The following TMEM255B variants were observed in gnomAD, a reference collection of about 807,000 sequenced individuals.
The protein encoded by TMEM255B is transmembrane protein 255B.
In TMEM255B, 35 loss-of-function variants were observed where a neutral mutation model predicts 34.5. That is an observed-to-expected ratio of 1.01 (90% CI 0.77 to 1.34). The LOEUF (loss-of-function observed/expected upper bound fraction) is 1.34. Ranked by LOEUF, TMEM255B falls within the 40% of genes most tolerant of loss-of-function variation. The probability of loss-of-function intolerance (pLI) is 0.00; values close to 1 mark genes in which losing one functional copy is unlikely to be tolerated. For synonymous variants in TMEM255B, 206 were observed against 201.2 expected (o/e 1.02, Z -0.20); for missense variants, 432 against 433.2 (o/e 1.00, Z 0.02).
In TMEM255B at chr13:113,812,961, G is replaced by GGTCCTGGGTGGGTCACA. The variant is rs1566342155; in HGVS notation, c.*1059_*1060insTCCTGGGTGGGTCACAG. On this transcript the variant is annotated 3_prime_UTR_variant, in exon 9 of 9. Coordinates refer to ENST00000375353, the MANE Select transcript of TMEM255B (RefSeq NM_182614.4). ...GGGTCACGGGTCCCGGGTGGGTCAC[G>GGTCCTGGGTGGGTCACA]GGCCCCGGGTGGGTCACGGGTCCCG... The GGTCCTGGGTGGGTCACA allele has an allele frequency of 2.4e-4, 25 of 102,500 alleles. No homozygotes were observed. The highest frequency in any genetic ancestry group is 7.5e-4 in the East Asian group (3 of 4,008). 6.3% of individuals were successfully genotyped at this position (102,500 alleles called of 1,614,324 possible).
At chr13:113,786,566 G>A (rs61966738) in intron 3 of TMEM255B, among the ~76,000 whole-genome samples, 24 of 149,580 alleles carry the variant, frequency 1.6e-4, no homozygotes, top group South Asian at 4.3e-4. Context: ...CATCATCACC[G>A]TCATCACCAT....
chr13:113,770,645 C>T lies in TMEM255B; in HGVS notation c.252+1485C>T, dbSNP rs1047093249. ...TTGCAAAGAGACGGAGAGATAGGCC[C>T]GGCATTTCCTCTCCCACCCACCCCC... On this transcript the variant is annotated intron_variant, in intron 3 of 8. Transcript: ENST00000375353. The surrounding 1 kb of genome is among the most constrained non-coding windows in gnomAD (Gnocchi z 4.6). Among the ~76,000 whole-genome samples, 5 of 152,308 alleles carry T rather than the reference C, an allele frequency of 3.3e-5. No individual in the cohort carries two copies. The highest frequency in any genetic ancestry group is 9.6e-5 in the African/African-American group (4 of 41,578).
At chr13:113,800,439 G>A (rs561893620) in intron 5 of TMEM255B, among the ~76,000 whole-genome samples, 45 of 152,088 alleles carry the variant, frequency 3.0e-4, no homozygotes, top group Admixed American at 2.6e-3. Context: ...GGGGGAGAGC[G>A]CCCTGGGACG....
At position 113,812,292 on chromosome 13, in the gene TMEM255B, C is replaced by T. The variant is rs576599085; in HGVS notation, c.*389C>T. ...TTCTTGTTTGTGGACATGTGTTGTG[C>T]GTTACACGTTCGTGTGTGCATCTGT... is the stretch of plus-strand genomic sequence containing the variant. On this transcript the variant is annotated 3_prime_UTR_variant, in exon 9 of 9. Coordinates refer to ENST00000375353, the MANE Select transcript of TMEM255B (RefSeq NM_182614.4). 6.3e-5 allele frequency: 15 copies of T among 236,236 alleles called. No individual in the cohort carries two copies. Among genetic ancestry groups the T allele is most frequent in the South Asian group, 2.5e-4 (4 of 15,764 alleles). The allele number at this position is 236,236 out of a possible 1,614,324, so 14.6% of individuals were successfully genotyped here. A position where few individuals can be genotyped will look rare whatever the true frequency, so the allele number is the denominator to read the frequency against.
intron 7 of TMEM255B, 39 bp from the exon 8 acceptor site, chr13:113,804,845 AG>A (rs1255773047): frequency 1.7e-5 from 26 of 1,557,852 alleles, no homozygotes; most frequent in Non-Finnish European, 2.3e-5. Flanking sequence ...TCCCTCCACT[AG>A]GGGGTACACG....
Position 113,795,197 on chromosome 13 carries a change from G to C in TMEM255B, c.302G>C (p.Cys101Ser). The C allele has an allele frequency of 6.2e-7, 1 of 1,613,978 alleles. No homozygotes were observed. Among genetic ancestry groups the C allele is most frequent in the Non-Finnish European group, 8.5e-7 (1 of 1,179,980 alleles). ...AGTTTTGGCGTGGTGGCCGCCTTCT[G>C]CTGCGCCATCGTGGACGGCGTATTT... ...FISFGVVAAF[C>S]CAIVDGVFAA... The change falls in exon 4 of 9, where the codon TGC becomes TCC. Residue 101 changes from cysteine to serine, a missense_variant. By Grantham distance (112) the Cys-to-Ser change is moderately radical (BLOSUM62 -1). Coordinates refer to ENST00000375353, the MANE Select transcript of TMEM255B (RefSeq NM_182614.4).
chr13:113,779,060 G>A (rs1239378996), intron 3 of TMEM255B, among the ~76,000 whole-genome samples: 1 of 152,208 alleles, frequency 6.6e-6, no homozygotes, highest in Non-Finnish European at 1.5e-5. Context: ...CAGGTTCAGA[G>A]TGTTTTTGGG....
Position 113,770,759 on chromosome 13 carries a change from G to A in TMEM255B, c.252+1599G>A, listed in dbSNP as rs1429352583. Among the ~76,000 whole-genome samples the A allele has an allele frequency of 6.6e-6, 1 of 152,158 alleles. No homozygotes were observed. Among genetic ancestry groups the A allele is most frequent in the Non-Finnish European group, 1.5e-5 (1 of 68,036 alleles). On this transcript the variant is annotated intron_variant, in intron 3 of 8. Coordinates refer to ENST00000375353, the MANE Select transcript of TMEM255B (RefSeq NM_182614.4). This position sits in a 1 kb window ranked among gnomAD's most constrained non-coding sequence, Gnocchi z 4.6. ...CAGTCACAGAATGGTGTTGGAAACAGACGCCACCTTTGGGAGCCAGCATGC... is the reference window on the plus strand; with the variant it reads ...CAGTCACAGAATGGTGTTGGAAACAAACGCCACCTTTGGGAGCCAGCATGC...
rs565288777 is a variant in TMEM255B, at chr13:113,767,734, T to C, written c.190-1364T>C. Among the ~76,000 whole-genome samples, 3 of 152,364 alleles carry C rather than the reference T, an allele frequency of 2.0e-5. No individual in the cohort carries two copies. In the East Asian group the frequency reaches 5.8e-4, roughly 29 times the overall value. On this transcript the variant is annotated intron_variant, in intron 2 of 8. Coordinates refer to ENST00000375353, the MANE Select transcript of TMEM255B (RefSeq NM_182614.4). ...CTAAGAGTCACTTCTGTGGAGACTTTCTGCCAATGTAGAGACTTAAGAAGC... is the reference window on the plus strand; with the variant it reads ...CTAAGAGTCACTTCTGTGGAGACTTCCTGCCAATGTAGAGACTTAAGAAGC...
intron 4 of TMEM255B, among the ~76,000 whole-genome samples, chr13:113,798,339 G>GTGAA (rs200576572): frequency 6.6e-6 from 1 of 151,816 alleles, no homozygotes; most frequent in South Asian, 2.1e-4. Context: ...TGACAGATGG[G>GTGAA]TGAATGGATG....
At chr13:113,773,866 A>G (rs531793534) in intron 3 of TMEM255B, among the ~76,000 whole-genome samples, 1 of 152,252 alleles carries the variant, frequency 6.6e-6, no homozygotes, top group Admixed American at 6.5e-5. Context: ...GGTCATTGTT[A>G]TACACTGGTT....
Position 113,815,545 on chromosome 13 carries a change from C to T in TMEM255B, c.*3642C>T, listed in dbSNP as rs776141983. The T allele has an allele frequency of 2.0e-5, 3 of 152,426 alleles. No homozygotes were observed. Among genetic ancestry groups the T allele is most frequent in the Non-Finnish European group, 2.9e-5 (2 of 68,188 alleles). The allele number at this position is 152,426 out of a possible 1,614,324, so 9.4% of individuals were successfully genotyped here. On this transcript the variant is annotated 3_prime_UTR_variant, in exon 9 of 9. Transcript: ENST00000375353. The stretch of plus-strand genomic sequence containing the variant: ...TGGCTGGTCTTTCCCGTGCTATTCT[C>T]GTGATAGTGAGTAAGTCTCACGAGA...
intron 4 of TMEM255B, among the ~76,000 whole-genome samples, chr13:113,796,648 C>T (rs2050946766): frequency 6.6e-6 from 1 of 152,378 alleles, no homozygotes; most frequent in South Asian, 2.1e-4. Flanking sequence ...TGAGGTGCGT[C>T]CTCAGCCTCC....
chr13:113,790,791 T>C (rs2050820391), intron 3 of TMEM255B, among the ~76,000 whole-genome samples: 1 of 106,620 alleles, frequency 9.4e-6, no homozygotes, highest in African/African-American at 3.1e-5. Flanking sequence ...ACCGGACACG[T>C]AGACATCCTA....
At chr13:113,789,478 A>G (rs2050793160) in intron 3 of TMEM255B, among the ~76,000 whole-genome samples, 1 of 152,216 alleles carries the variant, frequency 6.6e-6, no homozygotes, top group Non-Finnish European at 1.5e-5. Flanking sequence ...GCCTGGAGAA[A>G]AGTCGTGACA....
chr13:113,785,392 G>A (rs1034661852), intron 3 of TMEM255B, among the ~76,000 whole-genome samples: 3 of 152,204 alleles, frequency 2.0e-5, no homozygotes, highest in African/African-American at 7.2e-5. Flanking sequence ...AGGGCAGAGA[G>A]GGAGGCTTGC....
intron 3 of TMEM255B, among the ~76,000 whole-genome samples, chr13:113,793,927 C>A (rs1311383271): frequency 6.6e-6 from 1 of 152,228 alleles, no homozygotes; most frequent in African/African-American, 2.4e-5. Context: ...CCCGCCAGCC[C>A]CCACCCCCCG....
chr13:113,810,262 C>A (rs114079790), intron 8 of TMEM255B, among the ~76,000 whole-genome samples: 2 of 152,162 alleles, frequency 1.3e-5, no homozygotes, highest in South Asian at 2.1e-4. Flanking sequence ...GTTTGAAAAA[C>A]TCTTCCTGTG....
rs1333298324 is a variant in TMEM255B at position 113,769,456 on chromosome 13, C to T, written c.252+296C>T. ...CTCAGAGAATGCATGAAGTTTGGGACGGGGGTGGCAAATTAAATTAAGTCC... is the reference window on the plus strand; with the variant it reads ...CTCAGAGAATGCATGAAGTTTGGGATGGGGGTGGCAAATTAAATTAAGTCC... On this transcript the variant is annotated intron_variant, in intron 3 of 8. Transcript: ENST00000375353. This position sits in a 1 kb window ranked among gnomAD's most constrained non-coding sequence, Gnocchi z 4.2. 8.0e-6 allele frequency: 3 copies of T among 373,148 alleles called. No homozygotes were observed. Among genetic ancestry groups the T allele is most frequent in the Non-Finnish European group, 1.0e-5 (2 of 200,422 alleles). 23.1% of individuals were successfully genotyped at this position (373,148 alleles called of 1,614,324 possible). A position where few individuals can be genotyped will look rare whatever the true frequency, so the allele number is the denominator to read the frequency against.
Sources: allele counts gnomAD v4.1 joint callset (sites outside exome capture counted in the v4.1 genomes callset), GRCh38; gene constraint gnomAD v4.1.1; non-coding constraint Gnocchi (gnomAD v3.1); transcripts MANE v1.5; gene names NCBI Gene and HGNC (gene_info 2026-07-23, HGNC 2026-07-21).